The following RBFOX1 variants were observed in gnomAD, a reference collection of about 807,000 sequenced individuals.
The protein encoded by RBFOX1 is RNA binding protein fox-1 homolog 1.
In RBFOX1, 8 loss-of-function variants were observed where a neutral mutation model predicts 57.7. The ratio of observed to expected loss-of-function variants is 0.14; its 90% CI spans 0.08 to 0.25. RBFOX1 has a LOEUF of 0.25. Ranked by LOEUF, RBFOX1 falls within the 10% of genes least tolerant of loss-of-function variation. The pLI, the probability that RBFOX1 is intolerant of heterozygous loss-of-function variation, is 1.00. For synonymous variants in RBFOX1, 326 were observed against 222.4 expected (o/e 1.47, Z -4.15); for missense variants, 611 against 548.5 (o/e 1.11, Z -1.14).
intron 2 of RBFOX1, among the ~76,000 whole-genome samples, chr16:6,458,011 G>GAAA (rs3066910): frequency 0.012 from 1,788 of 150,082 alleles, 30 homozygotes; most frequent in East Asian, 0.093. Flanking sequence ...TCTCAAAACT[G>GAAA]AAAAAAAAAA....
At chr16:6,905,654 C>T (rs970431687) in intron 3 of RBFOX1, among the ~76,000 whole-genome samples, 2 of 152,022 alleles carry the variant, frequency 1.3e-5, no homozygotes, top group African/African-American at 4.8e-5. Context: ...AGCAACATTG[C>T]CCCCACCATC....
intron 1 of RBFOX1, among the ~76,000 whole-genome samples, chr16:6,234,656 A>G (rs538365137): frequency 1.4e-4 from 21 of 152,326 alleles, no homozygotes; most frequent in African/African-American, 5.1e-4. Flanking sequence ...TAATGGTGGC[A>G]TTGTAAACTT....
At chr16:5,844,182 C>T (rs190464703) in intron 3 of RBFOX1, among the ~76,000 whole-genome samples, 43 of 152,296 alleles carry the variant, frequency 2.8e-4, no homozygotes, top group Admixed American at 1.4e-3. Flanking sequence ...TGAGGTCTAA[C>T]GTGTTCACAA....
chr16:6,311,124 G>C (rs1456240085), intron 1 of RBFOX1, among the ~76,000 whole-genome samples: 1 of 151,644 alleles, frequency 6.6e-6, no homozygotes, highest in African/African-American at 2.4e-5. Context: ...GTGAAACCCT[G>C]TCTCTACTAA....
chr16:6,215,330 G>T (rs1210211925), intron 1 of RBFOX1, among the ~76,000 whole-genome samples: 2 of 142,212 alleles, frequency 1.4e-5, no homozygotes, highest in Non-Finnish European at 3.1e-5. Context: ...ACAGAGAGGG[G>T]AGGGGGAGAA....
chr16:6,004,797 G>T (rs982587600), intron 4 of RBFOX1, among the ~76,000 whole-genome samples: 3 of 152,142 alleles, frequency 2.0e-5, no homozygotes, highest in Admixed American at 6.6e-5. Flanking sequence ...TTGACATGCA[G>T]TGTAAATCAT....
Position 6,081,093 on chromosome 16 carries a change from G to C in RBFOX1, c.-127+61101G>C, listed in dbSNP as rs543857974. Among the ~76,000 whole-genome samples, 7 of 152,252 alleles carry C rather than the reference G, an allele frequency of 4.6e-5. No homozygotes were observed. In the South Asian group the frequency reaches 1.4e-3, roughly 32 times the overall value. On this transcript the variant is annotated intron_variant, in intron 1 of 15. Transcript: ENST00000550418. Reference sequence around the variant, plus strand: ...GGATTTTAAATGAATGTGGAGCATGGTGTCCCTTTGCCCTGGGTATTTAAA... The same window carrying C: ...GGATTTTAAATGAATGTGGAGCATGCTGTCCCTTTGCCCTGGGTATTTAAA...
chr16:6,147,021 A>C (rs898967468), intron 1 of RBFOX1, among the ~76,000 whole-genome samples: 3 of 152,048 alleles, frequency 2.0e-5, no homozygotes, highest in African/African-American at 7.2e-5. Context: ...CCATCTGTAG[A>C]CTCACTGCAT....
intron 2 of RBFOX1, among the ~76,000 whole-genome samples, chr16:6,376,876 G>C (rs2091241934): frequency 6.6e-6 from 1 of 152,056 alleles, no homozygotes; most frequent in Non-Finnish European, 1.5e-5. Flanking sequence ...GGGATCTGGC[G>C]GCCCTCAGCT....
chr16:6,124,246 A>G (rs1369266799), intron 1 of RBFOX1, among the ~76,000 whole-genome samples: 1 of 152,096 alleles, frequency 6.6e-6, no homozygotes, highest in African/African-American at 2.4e-5. Context: ...CTCCTTTGCT[A>G]CCCAGCTCCC....
chr16:7,577,069 T>G (rs761023845), intron 5 of RBFOX1, among the ~76,000 whole-genome samples: 7 of 152,210 alleles, frequency 4.6e-5, no homozygotes, highest in Non-Finnish European at 8.8e-5. Flanking sequence ...AGTGTTACAG[T>G]GTTGCTCTTC....
intron 1 of RBFOX1, among the ~76,000 whole-genome samples, chr16:6,223,169 A>G (rs2097389044): frequency 6.6e-6 from 1 of 150,728 alleles, no homozygotes; most frequent in Non-Finnish European, 1.5e-5. Flanking sequence ...ATACGTGTGC[A>G]TGTGTCTTTA....
chr16:6,559,807 T>A (rs2097155902), intron 2 of RBFOX1, among the ~76,000 whole-genome samples: 1 of 152,148 alleles, frequency 6.6e-6, no homozygotes, highest in Admixed American at 6.5e-5. Context: ...AACTTGTTGG[T>A]GTAAAGACGA....
intron 3 of RBFOX1, among the ~76,000 whole-genome samples, chr16:5,759,659 T>G (rs999456618): frequency 6.6e-6 from 1 of 152,196 alleles, no homozygotes; most frequent in Admixed American, 6.5e-5. Context: ...CATGCTGATC[T>G]CCTTTCCTGT....
chr16:7,139,485 T>C (rs186120050), intron 4 of RBFOX1, among the ~76,000 whole-genome samples: 73 of 152,224 alleles, frequency 4.8e-4, no homozygotes, highest in Non-Finnish European at 8.2e-4. Context: ...AAATCCTAAC[T>C]AAATAGCCCC....
chr16:7,287,107 A>G (rs554833191), intron 4 of RBFOX1, among the ~76,000 whole-genome samples: 84 of 152,346 alleles, frequency 5.5e-4, no homozygotes, highest in Middle Eastern at 6.8e-3. Context: ...AGAGTGTGAC[A>G]TAAATATTGG....
chr16:7,647,546 GA>G lies in RBFOX1; in HGVS notation c.758-6254del, dbSNP rs1324879272. ...GTGAGTTAACTTGAAATTGAACTAG[GA>G]AAAAAAAAAAAAAAGCAAACTTGCA... On this transcript the variant is annotated intron_variant, in intron 11 of 15. Transcript: ENST00000550418. Among the ~76,000 whole-genome samples, 366 of 87,932 alleles carry G rather than the reference GA, an allele frequency of 4.2e-3. 1 individual carries two copies. Among genetic ancestry groups the G allele is most frequent in the South Asian group, 8.5e-3 (25 of 2,936 alleles). The allele number at this position is 87,932 out of a possible 152,430, so 57.7% of individuals were successfully genotyped here.
intron 3 of RBFOX1, among the ~76,000 whole-genome samples, chr16:6,963,202 C>A (rs571779896): frequency 1.3e-5 from 2 of 152,136 alleles, no homozygotes; most frequent in East Asian, 3.9e-4. Flanking sequence ...GTCCGTCATG[C>A]CATAATTTTC....
chr16:7,476,674 A>G (rs1272001354), intron 4 of RBFOX1, among the ~76,000 whole-genome samples: 1 of 152,140 alleles, frequency 6.6e-6, no homozygotes, highest in African/African-American at 2.4e-5. Context: ...TATAAACTGT[A>G]CAAAATTAAA....
Sources: gnomAD v4.1 joint callset for allele counts (sites outside exome capture counted in the v4.1 genomes callset) on GRCh38, gnomAD v4.1.1 for gene constraint, MANE v1.5 for transcripts, NCBI Gene and HGNC (gene_info 2026-07-23, HGNC 2026-07-21) for gene names.